Variants in RAB3GAP2 observed in about 807,000 individuals in gnomAD.
RAB3GAP2 encodes RAB3 GTPase activating non-catalytic protein subunit 2, also known as rab3 GTPase-activating protein non-catalytic subunit.
A neutral mutation model predicts 185.3 loss-of-function variants in RAB3GAP2; 87 were observed. The ratio of observed to expected loss-of-function variants is 0.47; its 90% CI spans 0.39 to 0.56. The LOEUF (loss-of-function observed/expected upper bound fraction) is 0.56. Ranked by LOEUF, RAB3GAP2 falls within the 20% of genes least tolerant of loss-of-function variation. The pLI is 0.00. For synonymous variants in RAB3GAP2, 554 were observed against 576.1 expected (o/e 0.96, Z 0.55); for missense variants, 1,492 against 1,638.2 (o/e 0.91, Z 1.54).
Position 220,149,828 on chromosome 1 carries a change from G to C in RAB3GAP2, c.*1423C>G, listed in dbSNP as rs531550553. 1 of 152,310 alleles carries C rather than the reference G, an allele frequency of 6.6e-6. No individual in the cohort carries two copies. The highest frequency in any genetic ancestry group is 2.1e-4 in the South Asian group (1 of 4,824). The allele number at this position is 152,310 out of a possible 1,614,324, so 9.4% of individuals were successfully genotyped here. A position where few individuals can be genotyped will look rare whatever the true frequency, so the allele number is the denominator to read the frequency against. ...TAGCCAGTTAAATTCTTGTTTGGAT[G>C]TGCTCTTTTAGCTCAAAAAACAGAT... On this transcript the variant is annotated 3_prime_UTR_variant, in exon 35 of 35. Coordinates refer to ENST00000358951, the MANE Select transcript of RAB3GAP2 (RefSeq NM_012414.4).
At chr1:220,260,599 G>A (rs2102531558) in intron 1 of RAB3GAP2, among the ~76,000 whole-genome samples, 1 of 152,156 alleles carries the variant, frequency 6.6e-6, no homozygotes, top group African/African-American at 2.4e-5. Context: ...CTGTTGGGGT[G>A]GTGGGGGGAG....
At chr1:220,179,293 T>G (rs572631608) in intron 21 of RAB3GAP2, among the ~76,000 whole-genome samples, 125 of 109,114 alleles carry the variant, frequency 1.1e-3, no homozygotes, top group Non-Finnish European at 1.9e-3. Flanking sequence ...AATTATACAA[T>G]GAAAAAAGAG....
chr1:220,200,808 G>A (rs975906705), intron 9 of RAB3GAP2: 3 of 358,526 alleles, frequency 8.4e-6, no homozygotes, highest in Non-Finnish European at 1.7e-5. Context: ...GATATCCTTA[G>A]CCTCTTTAGA....
intron 28 of RAB3GAP2, 27 bp downstream of exon 28, chr1:220,162,171 A>G (rs768500629): frequency 1.4e-6 from 2 of 1,453,414 alleles, no homozygotes; most frequent in Admixed American, 1.7e-5. Context: ...CAAATAAATA[A>G]GAAGTCAATA....
intron 1 of RAB3GAP2, among the ~76,000 whole-genome samples, chr1:220,239,839 C>A (rs1433468760): frequency 1.3e-5 from 2 of 152,018 alleles, no homozygotes; most frequent in Non-Finnish European, 2.9e-5. Context: ...AAATTTGTAT[C>A]ATTACTAACA....
chr1:220,236,444 G>A (rs141171610), intron 1 of RAB3GAP2, among the ~76,000 whole-genome samples: 273 of 152,182 alleles, frequency 1.8e-3, no homozygotes, highest in African/African-American at 6.1e-3. Context: ...CCAAAGTGCT[G>A]GGATTATAGG....
At chr1:220,153,925 T>A in intron 32 of RAB3GAP2, 43 bp downstream of exon 32, 1 of 1,608,340 alleles carries the variant, frequency 6.2e-7, no homozygotes. Context: ...CTTATGTTTT[T>A]TTTTCCAAGA....
rs1042270864 is a variant in RAB3GAP2, at chr1:220,150,122, T to C, written c.*1129A>G. The C allele has an allele frequency of 7.2e-6, 1 of 139,002 alleles. No homozygotes were observed. The highest frequency in any genetic ancestry group is 1.5e-5 in the Non-Finnish European group (1 of 64,892). 8.6% of individuals were successfully genotyped at this position (139,002 alleles called of 1,614,324 possible). A position where few individuals can be genotyped will look rare whatever the true frequency, so the allele number is the denominator to read the frequency against. On this transcript the variant is annotated 3_prime_UTR_variant, in exon 35 of 35. Transcript: ENST00000358951. ...TGGTTTTTTCTTTTTTTTTTTTTTT[T>C]CGAGACAGGGTCTTGCTATATTGCC...
intron 1 of RAB3GAP2, among the ~76,000 whole-genome samples, chr1:220,244,564 T>C (rs1368379303): frequency 6.6e-6 from 1 of 151,894 alleles, no homozygotes; most frequent in Non-Finnish European, 1.5e-5. Context: ...ATCCTAAAAT[T>C]CATATGGAAC....
At chr1:220,151,848 A>T (rs1657763868) in intron 33 of RAB3GAP2, 84 bp from the exon 34 acceptor site, 6 of 1,383,516 alleles carry the variant, frequency 4.3e-6, no homozygotes, top group Non-Finnish European at 5.1e-6. Flanking sequence ...CAGTGAAGAG[A>T]TTCTAGTTGA....
chr1:220,153,354 T>C lies in RAB3GAP2; in HGVS notation c.3698A>G (p.Lys1233Arg). 1 of 1,614,214 alleles carries C rather than the reference T, an allele frequency of 6.2e-7. No individual in the cohort carries two copies. The highest frequency in any genetic ancestry group is 1.1e-5 in the South Asian group (1 of 91,084). ...GGCCTCTTCTGTGGGATCTTTGACC[T>C]TTGTGGCTGAATGTTGGGCCTGGAC... Reference protein sequence around the residue: ...AAVQAQHSATKVKDPTEEATP... With the variant: ...AAVQAQHSATRVKDPTEEATP... The change falls in exon 33 of 35, where the codon AAG becomes AGG. Residue 1233 changes from lysine (K) to arginine (R), a missense_variant. Lys to Arg is a conservative substitution (Grantham distance 26). Transcript: ENST00000358951.
chr1:220,226,733 T>C (rs891378688), intron 2 of RAB3GAP2, among the ~76,000 whole-genome samples: 20 of 152,182 alleles, frequency 1.3e-4, no homozygotes, highest in African/African-American at 4.6e-4. Flanking sequence ...CCCAATTCAG[T>C]ACACTTGCCA....
chr1:220,243,829 A>G (rs1659745190), intron 1 of RAB3GAP2, among the ~76,000 whole-genome samples: 1 of 152,190 alleles, frequency 6.6e-6, no homozygotes, highest in South Asian at 2.1e-4. Flanking sequence ...CCCAAAGTCT[A>G]TTTACAAATA....
intron 1 of RAB3GAP2, among the ~76,000 whole-genome samples, chr1:220,244,563 T>C (rs1454849600): frequency 6.6e-6 from 1 of 151,936 alleles, no homozygotes; most frequent in African/African-American, 2.4e-5. Context: ...AATCCTAAAA[T>C]TCATATGGAA....
At chr1:220,200,024 C>T (rs1261786366) in intron 9 of RAB3GAP2, among the ~76,000 whole-genome samples, 2 of 152,160 alleles carry the variant, frequency 1.3e-5, no homozygotes, top group East Asian at 1.9e-4. Flanking sequence ...AGAATAAAAT[C>T]GGATCTCCTT....
intron 2 of RAB3GAP2, among the ~76,000 whole-genome samples, chr1:220,215,024 C>A (rs1659163931): frequency 7.0e-6 from 1 of 141,998 alleles, no homozygotes; most frequent in South Asian, 2.3e-4. Context: ...AGACTTCATT[C>A]CACTTCCACA....
intron 21 of RAB3GAP2, among the ~76,000 whole-genome samples, chr1:220,179,090 C>G (rs1013418381): frequency 3.3e-5 from 5 of 151,594 alleles, no homozygotes; most frequent in African/African-American, 1.2e-4. Flanking sequence ...AGAAGCTGTA[C>G]CTATATCAGA....
At chr1:220,156,281 A>T (rs1657856379) in intron 31 of RAB3GAP2, among the ~76,000 whole-genome samples, 1 of 152,096 alleles carries the variant, frequency 6.6e-6, no homozygotes, top group Admixed American at 6.6e-5. Flanking sequence ...TGAAATAATA[A>T]ACCCACTTTC....
chr1:220,153,932 A>C, intron 32 of RAB3GAP2, 36 bp downstream of exon 32: 1 of 1,606,656 alleles, frequency 6.2e-7, no homozygotes, highest in Non-Finnish European at 8.5e-7. Flanking sequence ...TTTTTTTTCC[A>C]AGAAACAAAA....
Sources: allele counts gnomAD v4.1 joint callset (sites outside exome capture counted in the v4.1 genomes callset), GRCh38; gene constraint gnomAD v4.1.1; transcripts MANE v1.5; gene names NCBI Gene and HGNC (gene_info 2026-07-23, HGNC 2026-07-21).